SGCD: variants seen among roughly 807,000 people sequenced by gnomAD.
SGCD encodes the protein sarcoglycan delta.
In SGCD, 18 loss-of-function variants were observed where a neutral mutation model predicts 36.6. The ratio of observed to expected loss-of-function variants is 0.49; its 90% CI spans 0.34 to 0.73. The LOEUF is 0.73. Ranked by LOEUF, SGCD falls within the 30% of genes least tolerant of loss-of-function variation. The probability of loss-of-function intolerance (pLI) is 0.01; values close to 1 mark genes in which losing one functional copy is unlikely to be tolerated. For missense variants in SGCD, 387 were observed against 346.7 expected (o/e 1.12, Z -0.92); for synonymous variants, 133 against 130.6 (o/e 1.02, Z -0.12).
chr5:156,223,943 G>A (rs1486691967), intron 3 of SGCD, among the ~76,000 whole-genome samples: 2 of 151,818 alleles, frequency 1.3e-5, no homozygotes, highest in East Asian at 1.9e-4. Context: ...AAACTGGCCT[G>A]TAAATTAATG....
the SGCD span, among the ~76,000 whole-genome samples, chr5:155,836,873 G>C: frequency 6.6e-6 from 1 of 152,160 alleles, no homozygotes; most frequent in African/African-American, 2.4e-5. Context: ...GTTCTAGTGT[G>C]ACATCTTTAT....
At chr5:156,732,873 T>C (rs1756151299) in intron 7 of SGCD, among the ~76,000 whole-genome samples, 1 of 152,134 alleles carries the variant, frequency 6.6e-6, no homozygotes, top group Non-Finnish European at 1.5e-5. Flanking sequence ...CACAGAGGTG[T>C]TCATAATATT....
chr5:155,813,620 G>A, the SGCD span, among the ~76,000 whole-genome samples: 1 of 152,050 alleles, frequency 6.6e-6, no homozygotes, highest in Admixed American at 6.6e-5. Context: ...ATCCTGCTTG[G>A]GATTCTTCTG....
intron 1 of SGCD, among the ~76,000 whole-genome samples, chr5:156,032,295 C>T (rs1456371453): frequency 6.6e-6 from 1 of 151,976 alleles, no homozygotes; most frequent in Admixed American, 6.6e-5. Context: ...GAAATATGCC[C>T]TGACATTGAG....
chr5:155,892,327 G>A (rs1360889907), intron 1 of SGCD, among the ~76,000 whole-genome samples: 1 of 152,012 alleles, frequency 6.6e-6, no homozygotes, highest in South Asian at 2.1e-4. Context: ...ATGGTGGCAT[G>A]TGCCTGTAGT....
intron 4 of SGCD, among the ~76,000 whole-genome samples, chr5:156,573,394 C>T (rs1041678942): frequency 6.6e-6 from 1 of 152,138 alleles, no homozygotes. Context: ...TTTTGCCTGC[C>T]CTTCATGACT....
At chr5:156,280,578 T>G (rs1256896586) in intron 3 of SGCD, among the ~76,000 whole-genome samples, 1 of 152,234 alleles carries the variant, frequency 6.6e-6, no homozygotes, top group African/African-American at 2.4e-5. Context: ...CTCTTTGGGT[T>G]CTGCAATTAT....
At chr5:155,739,826 TC>T in the SGCD span, among the ~76,000 whole-genome samples, 43,855 of 152,054 alleles carry the variant, frequency 0.29, 7,516 homozygotes, top group East Asian at 0.38. Context: ...GCTGGGAATT[TC>T]CATATCATCT....
the SGCD span, among the ~76,000 whole-genome samples, chr5:155,768,477 C>G: frequency 6.6e-6 from 1 of 152,010 alleles, no homozygotes; most frequent in African/African-American, 2.4e-5. Flanking sequence ...CTGGGAAATG[C>G]GTAAATAAGT....
chr5:156,129,037 A>C (rs1423188066), intron 3 of SGCD, among the ~76,000 whole-genome samples: 1 of 152,190 alleles, frequency 6.6e-6, no homozygotes, highest in African/African-American at 2.4e-5. Flanking sequence ...AAATCGGCTC[A>C]GTGCTTGCTT....
At chr5:155,908,974 G>A (rs1195289835) in intron 1 of SGCD, among the ~76,000 whole-genome samples, 2 of 152,130 alleles carry the variant, frequency 1.3e-5, no homozygotes, top group African/African-American at 2.4e-5. Context: ...TAGGACATAT[G>A]TCCTGCTGAT....
chr5:155,946,110 G>T (rs1214823486), intron 1 of SGCD, among the ~76,000 whole-genome samples: 4 of 152,184 alleles, frequency 2.6e-5, no homozygotes, highest in Non-Finnish European at 4.4e-5. Flanking sequence ...TGGGTGGCTG[G>T]TGGTGGTCAC....
intron 7 of SGCD, among the ~76,000 whole-genome samples, chr5:156,736,556 C>CCT (rs1229480768): frequency 6.6e-6 from 1 of 152,108 alleles, no homozygotes; most frequent in African/African-American, 2.4e-5. Context: ...ATGCACTAAT[C>CCT]CTCTATGAGA....
intron 3 of SGCD, among the ~76,000 whole-genome samples, chr5:156,251,050 T>C (rs1247204991): frequency 5.9e-5 from 9 of 152,372 alleles, no homozygotes; most frequent in African/African-American, 2.2e-4. Context: ...GTTAAAATGT[T>C]ATTAAAATAT....
At chr5:155,812,075 A>G in the SGCD span, among the ~76,000 whole-genome samples, 1 of 152,236 alleles carries the variant, frequency 6.6e-6, no homozygotes. Context: ...GCTGGTTACA[A>G]ACAATCCATG....
chr5:156,065,405 A>T (rs1383194587), intron 1 of SGCD, among the ~76,000 whole-genome samples: 1 of 125,880 alleles, frequency 7.9e-6, no homozygotes, highest in African/African-American at 3.6e-5. Context: ...AGAAGAATGT[A>T]TATTCTGTTG....
At chr5:156,249,107 G>C (rs1252545081) in intron 3 of SGCD, among the ~76,000 whole-genome samples, 1 of 152,156 alleles carries the variant, frequency 6.6e-6, no homozygotes, top group African/African-American at 2.4e-5. Context: ...AGAACTTCTG[G>C]ATGCACATAT....
intron 3 of SGCD, among the ~76,000 whole-genome samples, chr5:156,183,808 G>A (rs780945566): frequency 3.9e-5 from 6 of 152,206 alleles, no homozygotes; most frequent in Non-Finnish European, 7.3e-5. Flanking sequence ...GGGGGTGGCA[G>A]AGTGGCTGGT....
At position 156,271,714 on chromosome 5, in the gene SGCD, A is replaced by T. The variant is rs187017760; in HGVS notation, c.-43-57820A>T. On this transcript the variant is annotated intron_variant, in intron 3 of 9. Transcript: ENST00000517913. Reference sequence around the variant, plus strand: ...CCTTGGGAGCTATTTCTGTAAATACATCATGATCCAAGGGACATGTCCCAG... The same window carrying T: ...CCTTGGGAGCTATTTCTGTAAATACTTCATGATCCAAGGGACATGTCCCAG... 3.4e-4 allele frequency among the ~76,000 whole-genome samples: 52 copies of T among 152,232 alleles called. 2 individuals are homozygous for T. Among genetic ancestry groups the T allele is most frequent in the Middle Eastern group, 6.8e-3 (2 of 294 alleles).
Sources: gnomAD v4.1 joint callset for allele counts (sites outside exome capture counted in the v4.1 genomes callset) on GRCh38, gnomAD v4.1.1 for gene constraint, MANE v1.5 for transcripts, NCBI Gene and HGNC (gene_info 2026-07-23, HGNC 2026-07-21) for gene names.